STIM1: variants seen among roughly 807,000 people sequenced by gnomAD.
STIM1 encodes stromal interaction molecule 1.
In STIM1, 25 loss-of-function variants were observed where a neutral mutation model predicts 74.7. The ratio of observed to expected loss-of-function variants is 0.33; its 90% CI spans 0.24 to 0.47. STIM1 has a LOEUF of 0.47. Among genes scored for constraint, STIM1 ranks in the 20% least tolerant of loss-of-function variants. STIM1 has a pLI of 1.00. For synonymous variants in STIM1, 328 were observed against 348.8 expected, an observed-to-expected ratio of 0.94 and a Z score of 0.66; for missense variants, 728 against 920.8, an observed-to-expected ratio of 0.79 and a Z score of 2.71.
At chr11:4,056,549 T>G (rs2094291530) in intron 4 of STIM1, among the ~76,000 whole-genome samples, 1 of 152,240 alleles carries the variant, frequency 6.6e-6, no homozygotes, top group Non-Finnish European at 1.5e-5. Context: ...CATCTTATTA[T>G]GTAGGTGCAT....
chr11:3,903,590 A>G (rs769525162), intron 1 of STIM1: 46 of 152,252 alleles, frequency 3.0e-4, no homozygotes, highest in Non-Finnish European at 5.6e-4. Context: ...TGTACCAGGC[A>G]TAGGGGCCCC....
chr11:3,977,479 T>TA (rs1360843968), intron 2 of STIM1, among the ~76,000 whole-genome samples: 1 of 152,322 alleles, frequency 6.6e-6, no homozygotes, highest in African/African-American at 2.4e-5. Flanking sequence ...TGTGGAAACT[T>TA]AGAGAAGTTA....
chr11:3,867,840 A>ACTGG (rs959314148), intron 1 of STIM1, among the ~76,000 whole-genome samples: 2 of 145,436 alleles, frequency 1.4e-5, no homozygotes, highest in Admixed American at 1.4e-4. Context: ...CAGAAATCTC[A>ACTGG]CTGGCAGGCA....
chr11:3,982,843 C>T (rs575950472), intron 2 of STIM1, among the ~76,000 whole-genome samples: 20 of 152,126 alleles, frequency 1.3e-4, no homozygotes, highest in Non-Finnish European at 2.6e-4. Flanking sequence ...GGTCACCTTT[C>T]GCTTGCCTTT....
rs564939388 is a variant in STIM1 at position 3,953,918 on chromosome 11, C to T, written c.140-13634C>T. On this transcript the variant is annotated intron_variant, in intron 1 of 12. Coordinates refer to ENST00000526596, the MANE Select transcript of STIM1 (RefSeq NM_001382567.1). ...TCATCCCAGCCTCCCTAATAGCTGGCACCATAGGTGTGTGCCACTACTCCC... is the reference window on the plus strand; with the variant it reads ...TCATCCCAGCCTCCCTAATAGCTGGTACCATAGGTGTGTGCCACTACTCCC... Among the ~76,000 whole-genome samples, 3 of 151,798 alleles carry T rather than the reference C, an allele frequency of 2.0e-5. No homozygotes were observed. The East Asian group carries it at 5.8e-4, about 29-fold the overall frequency.
chr11:3,953,230 T>G (rs2093170090), intron 1 of STIM1, among the ~76,000 whole-genome samples: 1 of 152,190 alleles, frequency 6.6e-6, no homozygotes, highest in Admixed American at 6.5e-5. Context: ...TTCTTAAACT[T>G]TATATTTAAG....
intron 11 of STIM1, 121 bp downstream of exon 11, chr11:4,084,886 C>A: frequency 1.4e-6 from 1 of 723,266 alleles, no homozygotes; most frequent in Non-Finnish European, 2.1e-6. Flanking sequence ...TCTATCCCCT[C>A]AGCACTGTCC....
chr11:4,030,052 G>T (rs1311010503), intron 3 of STIM1, among the ~76,000 whole-genome samples: 1 of 152,162 alleles, frequency 6.6e-6, no homozygotes, highest in African/African-American at 2.4e-5. Flanking sequence ...TCCAGGCCGG[G>T]TGCGGTGGCT....
At position 4,092,351 on chromosome 11, in the gene STIM1, C is replaced by A; in HGVS notation, c.*553C>A. On this transcript the variant is annotated 3_prime_UTR_variant, in exon 13 of 13. Coordinates refer to ENST00000526596, the MANE Select transcript of STIM1 (RefSeq NM_001382567.1). ...TGGTATTGATGTGGGTCAGAAGGAG[C>A]CTCATCCTAATCTCACTCAGGCCTC... The A allele has an allele frequency of 5.8e-6, 1 of 172,968 alleles. No homozygotes were observed. The highest frequency in any genetic ancestry group is 1.3e-5 in the Non-Finnish European group (1 of 78,276). 10.7% of individuals were successfully genotyped at this position (172,968 alleles called of 1,614,324 possible). A position where few individuals can be genotyped will look rare whatever the true frequency, so the allele number is the denominator to read the frequency against.
intron 1 of STIM1, among the ~76,000 whole-genome samples, chr11:3,893,846 G>T (rs1360269395): frequency 6.6e-6 from 1 of 152,030 alleles, no homozygotes; most frequent in Non-Finnish European, 1.5e-5. Context: ...TTGTAGAGAT[G>T]GGGTCAATAT....
intron 2 of STIM1, among the ~76,000 whole-genome samples, chr11:4,023,165 C>T (rs2093971875): frequency 1.3e-5 from 2 of 152,086 alleles, no homozygotes; most frequent in Non-Finnish European, 2.9e-5. Flanking sequence ...CCTATCTTTA[C>T]TGAAATACAA....
chr11:3,985,817 A>G (rs921906039), intron 2 of STIM1, among the ~76,000 whole-genome samples: 2 of 152,192 alleles, frequency 1.3e-5, no homozygotes, highest in African/African-American at 4.8e-5. Context: ...TTGACTATAT[A>G]TGTATTTTTT....
chr11:3,994,580 T>A, intron 2 of STIM1, among the ~76,000 whole-genome samples: 1 of 151,020 alleles, frequency 6.6e-6, no homozygotes, highest in Non-Finnish European at 1.5e-5. Context: ...TGTCTCAGCC[T>A]CCCCAAGTAG....
Position 4,091,694 on chromosome 11 carries a change from G to T in STIM1, c.2047G>T (p.Ala683Ser), listed in dbSNP as rs201992816. ...TRIPHLAGKKAVAEEDNGSIG... is the reference protein window; with the variant it reads ...TRIPHLAGKKSVAEEDNGSIG... ...CATTCCCCACCTGGCTGGCAAGAAG[G>T]CTGTGGCTGAGGAGGATAATGGCTC... The change falls in exon 13 of 13, where the codon GCT becomes TCT. Residue 683 changes from alanine to serine, a missense_variant. Physicochemically the swap from Ala to Ser is moderately conservative, Grantham distance 99. Coordinates refer to ENST00000526596, the MANE Select transcript of STIM1 (RefSeq NM_001382567.1). 6.2e-7 allele frequency: 1 copy of T among 1,614,220 alleles called. No homozygotes were observed. The highest frequency in any genetic ancestry group is 8.5e-7 in the Non-Finnish European group (1 of 1,180,050).
intron 3 of STIM1, among the ~76,000 whole-genome samples, chr11:4,049,947 A>G (rs931336309): frequency 1.3e-4 from 20 of 152,164 alleles, no homozygotes; most frequent in Non-Finnish European, 2.8e-4. Flanking sequence ...GTGAGTTAAT[A>G]TATGTGAGGT....
chr11:4,055,716 C>A, intron 4 of STIM1, 79 bp downstream of exon 4: 1 of 1,103,704 alleles, frequency 9.1e-7, no homozygotes, highest in Non-Finnish European at 1.3e-6. Context: ...ATTGCTCTGG[C>A]CAGTTAAGTG....
chr11:4,001,161 T>C (rs1049310964), intron 2 of STIM1, among the ~76,000 whole-genome samples: 2 of 152,108 alleles, frequency 1.3e-5, no homozygotes, highest in African/African-American at 4.8e-5. Context: ...GAAAACACTC[T>C]GCAGGATATT....
At chr11:4,006,175 G>A (rs1210178105) in intron 2 of STIM1, among the ~76,000 whole-genome samples, 1 of 152,136 alleles carries the variant, frequency 6.6e-6, no homozygotes, top group South Asian at 2.1e-4. Flanking sequence ...TAGTGAGTGA[G>A]TTCTCATGAG....
intron 3 of STIM1, among the ~76,000 whole-genome samples, chr11:4,048,023 G>A (rs2094207739): frequency 6.6e-6 from 1 of 152,120 alleles, no homozygotes; most frequent in Non-Finnish European, 1.5e-5. Flanking sequence ...GTTTCAGCAT[G>A]TTGGCCAGGA....
Sources: allele counts gnomAD v4.1 joint callset (sites outside exome capture counted in the v4.1 genomes callset), GRCh38; gene constraint gnomAD v4.1.1; transcripts MANE v1.5; gene names NCBI Gene and HGNC (gene_info 2026-07-23, HGNC 2026-07-21).